Variants in CADM2 observed in about 807,000 individuals in gnomAD.
CADM2 encodes the protein immunoglobulin superfamily member 4D.
CADM2 carries 12 observed loss-of-function variants against 49.8 expected under a neutral mutation model. The observed-to-expected ratio is 0.24, with a 90% CI of 0.15 to 0.39. The LOEUF (loss-of-function observed/expected upper bound fraction) is 0.39, where lower values mean the gene tolerates loss of function less well. Ranked by LOEUF, CADM2 falls within the 10% of genes least tolerant of loss-of-function variation. The probability of loss-of-function intolerance (pLI) is 1.00; values close to 1 mark genes in which losing one functional copy is unlikely to be tolerated. For synonymous variants in CADM2, 214 were observed against 175.4 expected, an observed-to-expected ratio of 1.22 and a Z score of -1.74; for missense variants, 378 against 492.3, an observed-to-expected ratio of 0.77 and a Z score of 2.20.
intron 1 of CADM2, among the ~76,000 whole-genome samples, chr3:85,268,959 T>C (rs1456164050): frequency 6.6e-6 from 1 of 151,366 alleles, no homozygotes; most frequent in Non-Finnish European, 1.5e-5. Flanking sequence ...TTCTTCAAAT[T>C]TTGGAATGAA....
At chr3:85,987,894 T>G (rs1050727419) in intron 8 of CADM2, among the ~76,000 whole-genome samples, 4 of 152,092 alleles carry the variant, frequency 2.6e-5, no homozygotes, top group African/African-American at 9.7e-5. Flanking sequence ...TGTATCTTTC[T>G]TACTAACCAG....
chr3:85,370,941 C>A (rs1049014615), intron 1 of CADM2, among the ~76,000 whole-genome samples: 1 of 151,532 alleles, frequency 6.6e-6, no homozygotes, highest in Admixed American at 6.6e-5. Context: ...TTTAAAAAAT[C>A]AAAACAAAAT....
At chr3:85,221,275 G>A (rs2042038765) in intron 1 of CADM2, among the ~76,000 whole-genome samples, 1 of 152,060 alleles carries the variant, frequency 6.6e-6, no homozygotes, top group African/African-American at 2.4e-5. Flanking sequence ...TGTGTCCATA[G>A]CTCTGTAAGA....
intron 1 of CADM2, among the ~76,000 whole-genome samples, chr3:85,413,871 A>T (rs958031281): frequency 1.3e-5 from 2 of 148,814 alleles, no homozygotes; most frequent in East Asian, 3.9e-4. Context: ...AGCTATTTTA[A>T]TTTTTTTTTT....
At chr3:85,764,487 G>A (rs984570483) in intron 2 of CADM2, among the ~76,000 whole-genome samples, 3 of 151,968 alleles carry the variant, frequency 2.0e-5, no homozygotes, top group Non-Finnish European at 2.9e-5. Context: ...CAGAATACTC[G>A]TATACACATA....
intron 1 of CADM2, among the ~76,000 whole-genome samples, chr3:85,283,060 G>A (rs1377922716): frequency 6.6e-6 from 1 of 151,848 alleles, no homozygotes; most frequent in Non-Finnish European, 1.5e-5. Context: ...AAAAAAGTTG[G>A]TAGATTTTAG....
chr3:85,795,271 A>G (rs1458025272), intron 2 of CADM2, among the ~76,000 whole-genome samples: 4 of 152,164 alleles, frequency 2.6e-5, no homozygotes, highest in Non-Finnish European at 5.9e-5. Context: ...TAAAAGATAA[A>G]GTAGCAGCTA....
intron 1 of CADM2, among the ~76,000 whole-genome samples, chr3:85,701,976 ATAG>A (rs201532821): frequency 0.14 from 9,530 of 70,106 alleles, 333 homozygotes; most frequent in South Asian, 0.16. Context: ...ATAGACATAG[ATAG>A]ATAGATAGAT....
chr3:85,547,334 C>T (rs150640250), intron 1 of CADM2, among the ~76,000 whole-genome samples: 17 of 152,110 alleles, frequency 1.1e-4, no homozygotes, highest in African/African-American at 3.1e-4. Context: ...TTATACAGTG[C>T]GATGGATGGC....
intron 1 of CADM2, among the ~76,000 whole-genome samples, chr3:85,224,965 TGTTTTG>T (rs1258692479): frequency 1.3e-5 from 2 of 152,330 alleles, no homozygotes; most frequent in East Asian, 3.9e-4. Context: ...TCTATATATC[TGTTTTG>T]GTACCAGTAC....
rs747360627 is a variant in CADM2, at chr3:85,352,890, A to C, written c.62-373632A>C. Among the ~76,000 whole-genome samples the C allele has an allele frequency of 2.0e-5, 3 of 152,262 alleles. No individual in the cohort carries two copies. In the South Asian group the frequency reaches 6.2e-4, roughly 31 times the overall value. On this transcript the variant is annotated intron_variant, in intron 1 of 9. Coordinates refer to ENST00000383699, the MANE Select transcript of CADM2 (RefSeq NM_001167675.2). ...TCCTCAAATAGTCAGACACAATGCTATGCTGCTGTTCCTAGAATGATGCTA... is the reference window on the plus strand; with the variant it reads ...TCCTCAAATAGTCAGACACAATGCTCTGCTGCTGTTCCTAGAATGATGCTA...
chr3:85,129,999 C>A (rs747275395), intron 1 of CADM2, among the ~76,000 whole-genome samples: 2 of 152,102 alleles, frequency 1.3e-5, no homozygotes, highest in Non-Finnish European at 2.9e-5. Flanking sequence ...CAGAATGTAG[C>A]CAGGTGTGGA....
intron 1 of CADM2, among the ~76,000 whole-genome samples, chr3:85,229,292 G>C (rs1050319701): frequency 6.6e-6 from 1 of 152,166 alleles, no homozygotes; most frequent in Non-Finnish European, 1.5e-5. Context: ...GGAATCTCCT[G>C]GTATGCTGGT....
chr3:85,876,530 T>A (rs928466221), intron 3 of CADM2, among the ~76,000 whole-genome samples: 1 of 152,018 alleles, frequency 6.6e-6, no homozygotes, highest in Admixed American at 6.6e-5. Flanking sequence ...TAGAAAAAAA[T>A]GTAAGAAATG....
chr3:85,958,859 G>A (rs1041944646), intron 7 of CADM2, among the ~76,000 whole-genome samples: 3 of 151,770 alleles, frequency 2.0e-5, no homozygotes, highest in African/African-American at 7.3e-5. Context: ...GAGAACACAT[G>A]GACACAGGAA....
chr3:85,009,099 G>T (rs17420038), intron 1 of CADM2, among the ~76,000 whole-genome samples: 13,728 of 152,188 alleles, frequency 0.09, 836 homozygotes, highest in Non-Finnish European at 0.14. Context: ...TTAGAGCAGG[G>T]CTTGTTCACA....
At chr3:84,962,006 T>C (rs1276852017) in intron 1 of CADM2, among the ~76,000 whole-genome samples, 1 of 152,068 alleles carries the variant, frequency 6.6e-6, no homozygotes, top group Non-Finnish European at 1.5e-5. Context: ...GTCTCTTTTA[T>C]TGAGTATGTA....
chr3:85,210,428 A>C lies in CADM2; in HGVS notation c.61+250760A>C, dbSNP rs115436497. Reference sequence around the variant, plus strand: ...ATGTTCGTCAGGGATACTGGCCTGTAGTTTTCATTTTTTGATGTCTGTTTG... The same window carrying C: ...ATGTTCGTCAGGGATACTGGCCTGTCGTTTTCATTTTTTGATGTCTGTTTG... On this transcript the variant is annotated intron_variant, in intron 1 of 9. Coordinates refer to ENST00000383699, the MANE Select transcript of CADM2 (RefSeq NM_001167675.2). Among the ~76,000 whole-genome samples the C allele has an allele frequency of 5.4e-3, 823 of 151,942 alleles. 11 individuals carry two copies. Among genetic ancestry groups the C allele is most frequent in the African/African-American group, 0.019 (788 of 41,446 alleles).
intron 1 of CADM2, among the ~76,000 whole-genome samples, chr3:85,451,692 T>G (rs2037754692): frequency 6.6e-6 from 1 of 152,134 alleles, no homozygotes; most frequent in South Asian, 2.1e-4. Context: ...ATTATCCATT[T>G]GGTGTTTGCT....
Sources: gnomAD v4.1 joint callset for allele counts (sites outside exome capture counted in the v4.1 genomes callset) on GRCh38, gnomAD v4.1.1 for gene constraint, MANE v1.5 for transcripts, NCBI Gene and HGNC (gene_info 2026-07-23, HGNC 2026-07-21) for gene names.